FANCC: variants seen among roughly 807,000 people sequenced by gnomAD.
FANCC encodes the protein Fanconi anemia group C protein.
In FANCC, 55 loss-of-function variants were observed where a neutral mutation model predicts 71.3. The ratio of observed to expected loss-of-function variants is 0.77; its 90% CI spans 0.62 to 0.97. FANCC has a LOEUF of 0.97. FANCC is among the 50% of genes least tolerant of loss of function. FANCC has a pLI of 0.00. For synonymous variants in FANCC, 275 were observed against 244.9 expected (o/e 1.12, Z -1.15); for missense variants, 678 against 670.9 (o/e 1.01, Z -0.12).
chr9:95,225,958 T>C (rs1384000574), intron 4 of FANCC, among the ~76,000 whole-genome samples: 1 of 152,142 alleles, frequency 6.6e-6, no homozygotes, highest in African/African-American at 2.4e-5. Context: ...AATTAGACCT[T>C]ATGTGTGGAA....
chr9:95,287,829 T>C (rs1180173662), intron 1 of FANCC, among the ~76,000 whole-genome samples: 3 of 152,136 alleles, frequency 2.0e-5, no homozygotes, highest in Non-Finnish European at 4.4e-5. Context: ...CTGCACAGAG[T>C]AGTATTTCTG....
At chr9:95,247,361 A>T in intron 3 of FANCC, 71 bp downstream of exon 3, 1 of 1,128,180 alleles carries the variant, frequency 8.9e-7, no homozygotes, top group Non-Finnish European at 1.3e-6. Context: ...AAAGGTTCAT[A>T]ATGTAAGCCT....
chr9:95,106,329 A>G (rs1046787358), intron 14 of FANCC, among the ~76,000 whole-genome samples: 2 of 152,124 alleles, frequency 1.3e-5, no homozygotes, highest in African/African-American at 4.8e-5. Context: ...TTTGTTGTTG[A>G]GTTATAAGAA....
chr9:95,314,538 G>A (rs1258247892), intron 1 of FANCC, among the ~76,000 whole-genome samples: 3 of 152,052 alleles, frequency 2.0e-5, no homozygotes, highest in Non-Finnish European at 2.9e-5. Context: ...TGTAGTCCCA[G>A]CTACTCGGGA....
intron 4 of FANCC, among the ~76,000 whole-genome samples, chr9:95,181,477 T>G (rs985638026): frequency 1.3e-5 from 2 of 152,116 alleles, no homozygotes. Context: ...ACAAAACCAT[T>G]AAAGATTAGG....
rs187890194 is a variant in FANCC, at chr9:95,275,121, A to G, written c.-78-25752T>C. On this transcript the variant is annotated intron_variant, in intron 1 of 14. Transcript: ENST00000289081. ...ACCCTGTCTCTACAAAAAAAAAAAA[A>G]AAAGAAAAATAAATTAGCCAGGCAT... is the stretch of plus-strand genomic sequence containing the variant. Among the ~76,000 whole-genome samples the G allele has an allele frequency of 2.5e-3, 372 of 151,798 alleles. 1 individual carries two copies. Among genetic ancestry groups the G allele is most frequent in the African/African-American group, 8.5e-3 (351 of 41,400 alleles).
intron 4 of FANCC, among the ~76,000 whole-genome samples, chr9:95,190,791 C>G (rs1827042425): frequency 6.6e-6 from 1 of 152,242 alleles, no homozygotes; most frequent in Non-Finnish European, 1.5e-5. Context: ...ACTTTCTCTT[C>G]AACCCCATTT....
chr9:95,185,891 C>T (rs1244050816), intron 4 of FANCC, among the ~76,000 whole-genome samples: 2 of 152,208 alleles, frequency 1.3e-5, no homozygotes, highest in African/African-American at 2.4e-5. Context: ...ATAAACCACA[C>T]TTTGAGATGT....
At chr9:95,149,848 A>G (rs1256627535) in intron 7 of FANCC, 75 bp downstream of exon 7, 4 of 1,489,252 alleles carry the variant, frequency 2.7e-6, no homozygotes, top group Non-Finnish European at 3.7e-6. Flanking sequence ...GCTGTCGTAC[A>G]GTCTTTCCAA....
In FANCC at chr9:95,101,834, T is replaced by TC; in HGVS notation, c.1549dup (p.Glu517GlyfsTer11). The TC allele has an allele frequency of 6.2e-7, 1 of 1,614,014 alleles. No homozygotes were observed. Among genetic ancestry groups the TC allele is most frequent in the Non-Finnish European group, 8.5e-7 (1 of 1,179,976 alleles). On this transcript the variant is annotated frameshift_variant, in exon 15 of 15. Transcript: ENST00000289081. LOFTEE classifies it low-confidence loss of function (END_TRUNC). Reference sequence around the variant, plus strand: ...AAAGCCAATGATCTCGTGAGTTATCTCAGCAGTGTGAGCCATCTGCAATCA... The same window carrying TC: ...AAAGCCAATGATCTCGTGAGTTATCTCCAGCAGTGTGAGCCATCTGCAATCA...
chr9:95,116,045 C>T lies in FANCC; in HGVS notation c.1072+1270G>A, dbSNP rs187169597. Among the ~76,000 whole-genome samples the T allele has an allele frequency of 2.4e-3, 368 of 152,388 alleles. 1 individual carries two copies. Among genetic ancestry groups the T allele is most frequent in the Admixed American group, 4.9e-3 (75 of 15,312 alleles). ...ACTAGCACAAGAGGTTCTTGTACTT[C>T]TGCCCGAAGCCACCTATTTATATTT... is the stretch of plus-strand genomic sequence containing the variant. On this transcript the variant is annotated intron_variant, in intron 11 of 14. Transcript: ENST00000289081.
At chr9:95,300,582 C>T (rs1273692151) in intron 1 of FANCC, among the ~76,000 whole-genome samples, 1 of 151,956 alleles carries the variant, frequency 6.6e-6, no homozygotes, top group Non-Finnish European at 1.5e-5. Flanking sequence ...TCCTGAGTAG[C>T]TGGGATTACA....
At chr9:95,252,293 AAG>A (rs1831392626) in intron 1 of FANCC, among the ~76,000 whole-genome samples, 1 of 149,352 alleles carries the variant, frequency 6.7e-6, no homozygotes, top group Non-Finnish European at 1.5e-5. Context: ...AAAAAAAAAA[AAG>A]AAAAAAAAAA....
At chr9:95,104,381 T>C (rs1384182470) in intron 14 of FANCC, among the ~76,000 whole-genome samples, 1 of 152,162 alleles carries the variant, frequency 6.6e-6, no homozygotes, top group African/African-American at 2.4e-5. Flanking sequence ...GGGAATGGGC[T>C]TCTGCTGTGT....
chr9:95,280,084 G>A (rs1833295611), intron 1 of FANCC, among the ~76,000 whole-genome samples: 1 of 151,578 alleles, frequency 6.6e-6, no homozygotes, highest in African/African-American at 2.4e-5. Context: ...GGAAGTAAAA[G>A]GATAGAAAAG....
chr9:95,313,658 T>C (rs937214730), intron 1 of FANCC, among the ~76,000 whole-genome samples: 2 of 151,952 alleles, frequency 1.3e-5, no homozygotes, highest in African/African-American at 2.4e-5. Context: ...CAGACAGACA[T>C]CACAAGACAA....
intron 6 of FANCC, among the ~76,000 whole-genome samples, chr9:95,165,029 A>G (rs930679696): frequency 4.0e-5 from 6 of 151,368 alleles, no homozygotes; most frequent in Non-Finnish European, 7.4e-5. Context: ...GTATATTTTT[A>G]GACATTTATT....
intron 6 of FANCC, among the ~76,000 whole-genome samples, chr9:95,152,325 G>A (rs1830221681): frequency 6.6e-6 from 1 of 152,190 alleles, no homozygotes; most frequent in Non-Finnish European, 1.5e-5. Flanking sequence ...ATGCTGAAAA[G>A]TAAAGAATAC....
chr9:95,116,769 C>T (rs2134681187), intron 11 of FANCC, among the ~76,000 whole-genome samples: 1 of 152,354 alleles, frequency 6.6e-6, no homozygotes, highest in Non-Finnish European at 1.5e-5. Context: ...ACTTCCCCAG[C>T]TGGATAGCCT....
Sources: allele counts gnomAD v4.1 joint callset (sites outside exome capture counted in the v4.1 genomes callset), GRCh38; gene constraint gnomAD v4.1.1; transcripts MANE v1.5; gene names NCBI Gene and HGNC (gene_info 2026-07-23, HGNC 2026-07-21).